The following ELMO1 variants were observed in gnomAD, a reference collection of about 807,000 sequenced individuals.
The protein encoded by ELMO1 is engulfment and cell motility protein 1.
In ELMO1, 26 loss-of-function variants were observed where a neutral mutation model predicts 98.9. The observed-to-expected ratio is 0.26, with a 90% confidence interval of 0.19 to 0.36. The LOEUF is 0.36. ELMO1 is among the 10% of genes least tolerant of loss of function. ELMO1 has a pLI of 1.00. For synonymous variants in ELMO1, 346 were observed against 346.0 expected (o/e 1.00, Z 0.00); for missense variants, 627 against 935.2 (o/e 0.67, Z 4.30).
chr7:36,947,096 A>G (rs1787558803), intron 16 of ELMO1, among the ~76,000 whole-genome samples: 1 of 152,174 alleles, frequency 6.6e-6, no homozygotes, highest in Non-Finnish European at 1.5e-5. Context: ...AGTACCCAAT[A>G]GGTAGTTTTT....
chr7:36,886,297 C>T (rs1805004286), intron 18 of ELMO1, among the ~76,000 whole-genome samples: 1 of 152,190 alleles, frequency 6.6e-6, no homozygotes, highest in Admixed American at 6.5e-5. Flanking sequence ...TGTGAAGAAA[C>T]TGCATTTTCA....
chr7:36,976,277 C>G (rs1037016708), intron 16 of ELMO1, among the ~76,000 whole-genome samples: 1 of 152,354 alleles, frequency 6.6e-6, no homozygotes, highest in African/African-American at 2.4e-5. Flanking sequence ...CAATTCTACT[C>G]ATACAGAATT....
chr7:36,986,242 C>T, intron 16 of ELMO1: 2 of 985,478 alleles, frequency 2.0e-6, no homozygotes. Flanking sequence ...GCCTCCATTT[C>T]AGGGAAACTC....
intron 1 of ELMO1, among the ~76,000 whole-genome samples, chr7:37,370,802 T>G (rs1168032913): frequency 6.6e-6 from 1 of 152,218 alleles, no homozygotes; most frequent in Non-Finnish European, 1.5e-5. Flanking sequence ...GGAACTTTCA[T>G]GTACTCCTGG....
intron 13 of ELMO1, among the ~76,000 whole-genome samples, chr7:37,166,611 G>C (rs1248274490): frequency 3.3e-5 from 5 of 152,134 alleles, no homozygotes; most frequent in African/African-American, 4.8e-5. Flanking sequence ...TAGTCATTCA[G>C]GAGCAGGTTG....
chr7:37,355,351 A>T (rs1255792901), intron 1 of ELMO1, among the ~76,000 whole-genome samples: 1 of 152,240 alleles, frequency 6.6e-6, no homozygotes, highest in Admixed American at 6.5e-5. Flanking sequence ...CATTTGCCAG[A>T]CATGGGGTAG....
chr7:36,949,517 T>A (rs1787793198), intron 16 of ELMO1, among the ~76,000 whole-genome samples: 1 of 151,832 alleles, frequency 6.6e-6, no homozygotes, highest in Non-Finnish European at 1.5e-5. Flanking sequence ...TCTGTCCTCT[T>A]CACTCGGTCT....
chr7:37,133,211 G>A lies in ELMO1; in HGVS notation c.1110C>T (p.Asp370=). 3 of 1,611,686 alleles carry A rather than the reference G, an allele frequency of 1.9e-6. No homozygotes were observed. Among genetic ancestry groups the A allele is most frequent in the Non-Finnish European group, 2.5e-6 (3 of 1,178,954 alleles). The change falls in exon 14 of 22, where the codon GAC becomes GAT. Residue 370 remains aspartate (D), a synonymous_variant. Transcript: ENST00000310758. ...ACATCCCAGGTGGAGTCTGCGTGAA[G>A]TCCATGGCAGGGTTGACATGATTCT... ...GFINHVNPAM[D]FTQTPPGMLA...
At chr7:36,866,223 AT>A (rs1803023222) in intron 20 of ELMO1, among the ~76,000 whole-genome samples, 2 of 152,210 alleles carry the variant, frequency 1.3e-5, no homozygotes, top group South Asian at 2.1e-4. Flanking sequence ...TGAATTTAGA[AT>A]CCTTAATCCT....
Position 37,182,462 on chromosome 7 carries a change from CTTTTTTTTTTTTT to C in ELMO1, c.1086+28911_1086+28923del, listed in dbSNP as rs59657539. Among the ~76,000 whole-genome samples the C allele has an allele frequency of 4.2e-3, 62 of 14,702 alleles. 3 individuals carry two copies. The highest frequency in any genetic ancestry group is 0.025 in the Admixed American group (34 of 1,364). 9.6% of individuals were successfully genotyped at this position (14,702 alleles called of 152,430 possible). A position where few individuals can be genotyped will look rare whatever the true frequency, so the allele number is the denominator to read the frequency against. The stretch of plus-strand genomic sequence containing the variant: ...AGATCATGAGTGCTCTTGTGCTCTA[CTTTTTTTTTTTTT>C]TTTTTTTTTTTTTGAGACGGAGTCT... On this transcript the variant is annotated intron_variant, in intron 13 of 21. Coordinates refer to ENST00000310758, the MANE Select transcript of ELMO1 (RefSeq NM_014800.11).
At chr7:37,109,677 G>A (rs1307712295) in intron 14 of ELMO1, among the ~76,000 whole-genome samples, 2 of 152,160 alleles carry the variant, frequency 1.3e-5, no homozygotes, top group Admixed American at 1.3e-4. Context: ...CCCCCTAATA[G>A]GATTTCCTTC....
chr7:36,991,970 C>T (rs1043548861), intron 16 of ELMO1, among the ~76,000 whole-genome samples: 6 of 152,244 alleles, frequency 3.9e-5, no homozygotes, highest in African/African-American at 1.4e-4. Flanking sequence ...GCACGCCCCA[C>T]TGTGGCCTCA....
intron 4 of ELMO1, among the ~76,000 whole-genome samples, chr7:37,298,576 A>C (rs1465608052): frequency 2.0e-5 from 3 of 147,238 alleles, no homozygotes; most frequent in African/African-American, 7.6e-5. Context: ...TTCTTGCGAT[A>C]GTTTACAGAG....
At chr7:37,408,733 C>T (rs1351179368) in intron 1 of ELMO1, among the ~76,000 whole-genome samples, 1 of 152,036 alleles carries the variant, frequency 6.6e-6, no homozygotes, top group Admixed American at 6.6e-5. Flanking sequence ...ACATAAAATA[C>T]AGTGGTAGTT....
At chr7:37,037,433 A>G (rs944622520) in intron 15 of ELMO1, among the ~76,000 whole-genome samples, 3 of 152,180 alleles carry the variant, frequency 2.0e-5, no homozygotes, top group African/African-American at 7.2e-5. Flanking sequence ...GCTAACCCCT[A>G]TGACAGAGGA....
Position 37,259,205 on chromosome 7 carries a change from G to A in ELMO1, c.389C>T (p.Thr130Met), listed in dbSNP as rs1215852443. The change falls in exon 6 of 22, where the codon ACG becomes ATG. Residue 130 changes from threonine to methionine, a missense_variant. Physicochemically the swap from Thr to Met is moderately conservative, Grantham distance 81. Transcript: ENST00000310758. ...FINLDGISLL[T>M]QMVESGTERY... ...CTCAGTGCCGCTCTCCACCATCTGC[G>A]TGAGGAGAGAGATACCGTCCAGGTT... The A allele has an allele frequency of 3.7e-6, 6 of 1,614,024 alleles. No homozygotes were observed. The highest frequency in any genetic ancestry group is 3.3e-5 in the South Asian group (3 of 91,072).
intron 15 of ELMO1, among the ~76,000 whole-genome samples, chr7:37,069,167 G>C (rs932207588): frequency 1.3e-5 from 2 of 151,806 alleles, no homozygotes; most frequent in Non-Finnish European, 2.9e-5. Context: ...TCCAATAAAT[G>C]GTTACCATTT....
chr7:36,985,691 A>G (rs1382463564), intron 16 of ELMO1, among the ~76,000 whole-genome samples: 1 of 152,192 alleles, frequency 6.6e-6, no homozygotes, highest in Admixed American at 6.5e-5. Flanking sequence ...TAATCCTAAC[A>G]AGACAACCAA....
chr7:36,964,942 C>T (rs1789282208), intron 16 of ELMO1, among the ~76,000 whole-genome samples: 1 of 152,198 alleles, frequency 6.6e-6, no homozygotes, highest in African/African-American at 2.4e-5. Context: ...AGTTCTCCAA[C>T]TGGCCTTGCT....
Sources: allele counts gnomAD v4.1 joint callset (sites outside exome capture counted in the v4.1 genomes callset), GRCh38; gene constraint gnomAD v4.1.1; transcripts MANE v1.5; gene names NCBI Gene and HGNC (gene_info 2026-07-23, HGNC 2026-07-21).